Variants in NRG4 observed in about 807,000 individuals in gnomAD.
The protein encoded by NRG4 is pro-neuregulin-4, membrane-bound isoform.
A neutral mutation model predicts 15.0 loss-of-function variants in NRG4; 10 were observed. The ratio of observed to expected loss-of-function variants is 0.67; its 90% CI spans 0.41 to 1.13. The LOEUF (loss-of-function observed/expected upper bound fraction) is 1.13, where lower values mean the gene tolerates loss of function less well. Ranked by LOEUF, NRG4 falls within the 50% of genes most tolerant of loss-of-function variation. NRG4 has a pLI of 0.00. For missense variants in NRG4, 139 were observed against 140.2 expected, an observed-to-expected ratio of 0.99 and a Z score of 0.04; for synonymous variants, 41 against 50.1, an observed-to-expected ratio of 0.82 and a Z score of 0.77.
upstream of NRG4, among the ~76,000 whole-genome samples, chr15:76,016,116 T>A (rs752269895): frequency 1.1e-4 from 16 of 152,228 alleles, no homozygotes; most frequent in Non-Finnish European, 2.1e-4. Context: ...TCTTCTAGAT[T>A]TTCTAGTTTA....
intron 2 of NRG4, among the ~76,000 whole-genome samples, chr15:76,056,334 G>A (rs1329190597): frequency 6.6e-6 from 1 of 152,048 alleles, no homozygotes; most frequent in African/African-American, 2.4e-5. Context: ...GCGCATGCCT[G>A]TAATCCCAGC....
intron 1 of NRG4, among the ~76,000 whole-genome samples, chr15:76,011,817 T>C (rs2034821254): frequency 6.6e-6 from 1 of 152,064 alleles, no homozygotes; most frequent in Non-Finnish European, 1.5e-5. Context: ...GTAACAAACC[T>C]GCACGTCCTG....
intron 3 of NRG4, among the ~76,000 whole-genome samples, chr15:75,999,109 C>T (rs1184273499): frequency 6.6e-6 from 1 of 152,136 alleles, no homozygotes; most frequent in Non-Finnish European, 1.5e-5. Context: ...TCACATATAA[C>T]AAAGTTGGCA....
chr15:75,963,920 G>A (rs1363008956), intron 3 of NRG4, among the ~76,000 whole-genome samples: 2 of 151,926 alleles, frequency 1.3e-5, no homozygotes, highest in African/African-American at 2.4e-5. Context: ...TCCAGCCTAG[G>A]TGACAGAGCA....
chr15:75,974,987 G>C (rs1018849968), intron 3 of NRG4, among the ~76,000 whole-genome samples: 4 of 152,158 alleles, frequency 2.6e-5, no homozygotes, highest in African/African-American at 9.7e-5. Context: ...GGGAGTCTAA[G>C]TCTTTTTGTA....
intron 3 of NRG4, among the ~76,000 whole-genome samples, chr15:75,979,065 T>C (rs2033491864): frequency 6.6e-6 from 1 of 152,210 alleles, no homozygotes; most frequent in Non-Finnish European, 1.5e-5. Flanking sequence ...TGTCCAATTC[T>C]GTAGGTTGTC....
At chr15:76,055,219 G>A (rs940266177) in intron 2 of NRG4, among the ~76,000 whole-genome samples, 1 of 152,182 alleles carries the variant, frequency 6.6e-6, no homozygotes, top group Non-Finnish European at 1.5e-5. Flanking sequence ...GGAGGCGGAG[G>A]CTACAGTGAG....
intron 3 of NRG4, among the ~76,000 whole-genome samples, chr15:76,052,547 T>G (rs1411257206): frequency 4.0e-5 from 6 of 151,108 alleles, no homozygotes; most frequent in African/African-American, 1.2e-4. Flanking sequence ...GAAAGCCACT[T>G]TTTATGTTTT....
chr15:75,935,403 G>T (rs897154403), downstream of NRG4: 4 of 152,124 alleles, frequency 2.6e-5, no homozygotes, highest in African/African-American at 9.7e-5. Flanking sequence ...TCAGATCATA[G>T]AATACTTTAT....
intron 2 of NRG4, among the ~76,000 whole-genome samples, chr15:76,055,215 G>A (rs943881393): frequency 1.4e-4 from 22 of 152,246 alleles, no homozygotes; most frequent in East Asian, 1.9e-4. Flanking sequence ...CGGCGGAGGC[G>A]GAGGCTACAG....
At chr15:76,013,449 C>T (rs60847237), upstream of NRG4, among the ~76,000 whole-genome samples, 5,623 of 152,266 alleles carry the variant, frequency 0.037, 180 homozygotes, top group African/African-American at 0.085. Flanking sequence ...CCTGCACCCA[C>T]CAACCTGTCA....
At chr15:76,008,912 T>C (rs984266492) in intron 3 of NRG4, among the ~76,000 whole-genome samples, 1 of 152,140 alleles carries the variant, frequency 6.6e-6, no homozygotes, top group Non-Finnish European at 1.5e-5. Context: ...CTTCCTTAAA[T>C]TGCTAAAATC....
At chr15:76,018,541 C>A (rs543175260) in intron 5 of NRG4, among the ~76,000 whole-genome samples, 1 of 152,026 alleles carries the variant, frequency 6.6e-6, no homozygotes, top group African/African-American at 2.4e-5. Context: ...GATGTTGATG[C>A]GATTCCTTTC....
chr15:75,961,625 G>T (rs1179420541), intron 4 of NRG4, among the ~76,000 whole-genome samples: 1 of 152,074 alleles, frequency 6.6e-6, no homozygotes, highest in Non-Finnish European at 1.5e-5. Context: ...GGTAAATATT[G>T]ACAACAGTAA....
At position 75,950,502 on chromosome 15, in the gene NRG4, G is replaced by T. The variant is rs532529645; in HGVS notation, c.331+5430C>A. 2.2e-4 allele frequency: 52 copies of T among 234,718 alleles called. 2 individuals carry two copies. The South Asian group carries it at 4.0e-3, about 18-fold the overall frequency. The allele number at this position is 234,718 out of a possible 1,614,324, so 14.5% of individuals were successfully genotyped here. The stretch of plus-strand genomic sequence containing the variant: ...CACTCTCTGGGTCAGCAGGATTGGA[G>T]TCTGGATCATCCTCCTCATCCCCCA... On this transcript the variant is annotated intron_variant, in intron 5 of 5. Coordinates refer to ENST00000394907, the MANE Select transcript of NRG4 (RefSeq NM_138573.4).
rs917229905 is a variant in NRG4, at chr15:75,980,304, A to T, written c.105-18330T>A. Among the ~76,000 whole-genome samples, 3 of 152,098 alleles carry T rather than the reference A, an allele frequency of 2.0e-5. No individual in the cohort carries two copies. In the South Asian group the frequency reaches 6.2e-4, roughly 31 times the overall value. On this transcript the variant is annotated intron_variant, in intron 3 of 5. Coordinates refer to ENST00000394907, the MANE Select transcript of NRG4 (RefSeq NM_138573.4). ...AGAGATAGGGAAAACAAAAATAGAG[A>T]TTAGTGAAAGCAGAAATAATGTTGG...
In NRG4 at chr15:75,958,764, G is replaced by A. The variant is rs12595289; in HGVS notation, c.252-2753C>T. 8.9e-3 allele frequency among the ~76,000 whole-genome samples: 1,347 copies of A among 152,160 alleles called. 62 individuals carry two copies. In the East Asian group the frequency reaches 0.15, roughly 16 times the overall value. ...CTACTCAAAAGGTATTGTTTAGCCT[G>A]CTACAGGGTACTTCAGACTAGAAAT... On this transcript the variant is annotated intron_variant, in intron 4 of 5. Transcript: ENST00000394907.
At chr15:75,990,655 A>T (rs1330916833) in intron 3 of NRG4, among the ~76,000 whole-genome samples, 3 of 142,094 alleles carry the variant, frequency 2.1e-5, no homozygotes, top group Non-Finnish European at 3.1e-5. Context: ...TAATTTTCTT[A>T]CTGTAGTTGG....
At chr15:76,000,304 A>ATTT (rs2141889623) in intron 3 of NRG4, among the ~76,000 whole-genome samples, 1 of 152,342 alleles carries the variant, frequency 6.6e-6, no homozygotes, top group African/African-American at 2.4e-5. Flanking sequence ...AAGCTAGGTA[A>ATTT]AAGGAAAAAT....
Sources: gnomAD v4.1 joint callset for allele counts (sites outside exome capture counted in the v4.1 genomes callset) on GRCh38, gnomAD v4.1.1 for gene constraint, MANE v1.5 for transcripts, NCBI Gene and HGNC (gene_info 2026-07-23, HGNC 2026-07-21) for gene names.